TCF7L2: variants seen among roughly 807,000 people sequenced by gnomAD.
TCF7L2 encodes the protein transcription factor 7 like 2.
Under a neutral mutation model 77.9 loss-of-function variants are expected in TCF7L2, and 23 were observed. The ratio of observed to expected loss-of-function variants is 0.30; its 90% CI spans 0.21 to 0.42. TCF7L2 has a LOEUF of 0.42. TCF7L2 is among the 10% of genes least tolerant of loss of function. The pLI, the probability that TCF7L2 is intolerant of heterozygous loss-of-function variation, is 1.00. For missense variants in TCF7L2, 654 were observed against 793.1 expected, an observed-to-expected ratio of 0.82 and a Z score of 2.11; for synonymous variants, 413 against 340.2, an observed-to-expected ratio of 1.21 and a Z score of -2.36.
intron 5 of TCF7L2, among the ~76,000 whole-genome samples, chr10:113,100,927 T>A (rs909286146): frequency 6.6e-6 from 1 of 151,970 alleles, no homozygotes; most frequent in Non-Finnish European, 1.5e-5. Flanking sequence ...AATATAAAAT[T>A]AGGCAGGCGT....
intron 5 of TCF7L2, among the ~76,000 whole-genome samples, chr10:113,068,592 C>A (rs1410655027): frequency 1.3e-5 from 2 of 152,146 alleles, no homozygotes; most frequent in African/African-American, 2.4e-5. Context: ...TAAACACGGG[C>A]AGCTGGACAT....
intron 5 of TCF7L2, among the ~76,000 whole-genome samples, chr10:113,109,840 T>C (rs1173697490): frequency 6.6e-6 from 1 of 152,254 alleles, no homozygotes; most frequent in Non-Finnish European, 1.5e-5. Flanking sequence ...TTTTGAAACA[T>C]AATGTGCATA....
chr10:113,097,618 A>G (rs1162110355), intron 5 of TCF7L2, among the ~76,000 whole-genome samples: 1 of 130,438 alleles, frequency 7.7e-6, no homozygotes, highest in Non-Finnish European at 1.6e-5. Flanking sequence ...GCACCACTGC[A>G]GGGTGACAGA....
At chr10:113,053,176 G>T (rs753165836) in intron 5 of TCF7L2, among the ~76,000 whole-genome samples, 1 of 152,160 alleles carries the variant, frequency 6.6e-6, no homozygotes. Context: ...GTGTTTGGAC[G>T]TCTGTGTGGA....
chr10:113,037,956 T>C (rs1355409118), intron 4 of TCF7L2, among the ~76,000 whole-genome samples: 1 of 152,146 alleles, frequency 6.6e-6, no homozygotes, highest in Admixed American at 6.5e-5. Flanking sequence ...CATATAGTTA[T>C]GTGGTAAGTG....
chr10:112,977,315 C>A (rs1454973773), intron 4 of TCF7L2, among the ~76,000 whole-genome samples: 2 of 152,110 alleles, frequency 1.3e-5, no homozygotes, highest in Non-Finnish European at 2.9e-5. Context: ...GGTGAGGCTG[C>A]CCTGTAGGGA....
intron 5 of TCF7L2, among the ~76,000 whole-genome samples, chr10:113,047,152 C>T (rs893962947): frequency 1.3e-5 from 2 of 151,928 alleles, no homozygotes; most frequent in African/African-American, 4.8e-5. Context: ...AATCTTTGTC[C>T]CCTCGCCCCC....
At chr10:113,145,940 CT>C in intron 7 of TCF7L2, 70 bp from the exon 8 acceptor site, 1 of 1,337,016 alleles carries the variant, frequency 7.5e-7, no homozygotes, top group Non-Finnish European at 1.1e-6. Flanking sequence ...GAACTTTTCC[CT>C]TTTCTTCTTT....
chr10:113,158,628 A>G, intron 12 of TCF7L2, 39 bp from the exon 13 acceptor site: 1 of 1,611,334 alleles, frequency 6.2e-7, no homozygotes, highest in Non-Finnish European at 8.5e-7. Context: ...ACAAAACAAA[A>G]ATTTTGAAGG....
chr10:112,970,383 C>A (rs1326412415), intron 4 of TCF7L2, among the ~76,000 whole-genome samples: 2 of 151,650 alleles, frequency 1.3e-5, no homozygotes, highest in South Asian at 4.1e-4. Flanking sequence ...ACTCCTCCAC[C>A]ATGAATCAGT....
At chr10:112,996,791 G>A (rs2043567757) in intron 4 of TCF7L2, among the ~76,000 whole-genome samples, 1 of 152,202 alleles carries the variant, frequency 6.6e-6, no homozygotes, top group Non-Finnish European at 1.5e-5. Context: ...TTCGTTAAAA[G>A]GCTGAGCTGG....
At chr10:113,023,419 G>A (rs1014509554) in intron 4 of TCF7L2, among the ~76,000 whole-genome samples, 1 of 152,160 alleles carries the variant, frequency 6.6e-6, no homozygotes, top group Non-Finnish European at 1.5e-5. Flanking sequence ...CCTTTTCAAG[G>A]GACATGAAGA....
chr10:113,012,938 T>A (rs1316630156), intron 4 of TCF7L2, among the ~76,000 whole-genome samples: 1 of 152,104 alleles, frequency 6.6e-6, no homozygotes, highest in Non-Finnish European at 1.5e-5. Context: ...TCTACGCGTG[T>A]TGCTGAAACT....
intron 4 of TCF7L2, among the ~76,000 whole-genome samples, chr10:112,979,773 A>T (rs1415492879): frequency 6.6e-6 from 1 of 151,984 alleles, no homozygotes; most frequent in Non-Finnish European, 1.5e-5. Flanking sequence ...AATAAAAAAA[A>T]TAAAAAAAAT....
At chr10:113,039,930 T>G (rs1417365563) in intron 4 of TCF7L2, 95 bp from the exon 5 acceptor site, 1 of 1,069,182 alleles carries the variant, frequency 9.4e-7, no homozygotes, top group African/African-American at 1.6e-5. Context: ...TTTTTCAGTT[T>G]CTGACCCATG....
At chr10:113,097,345 G>A (rs1283536787) in intron 5 of TCF7L2, among the ~76,000 whole-genome samples, 1 of 152,134 alleles carries the variant, frequency 6.6e-6, no homozygotes, top group Non-Finnish European at 1.5e-5. Flanking sequence ...CTTTCCTCTT[G>A]CCAGTTGTAG....
At chr10:112,960,260 C>A (rs2034725434) in intron 3 of TCF7L2, among the ~76,000 whole-genome samples, 1 of 151,932 alleles carries the variant, frequency 6.6e-6, no homozygotes, top group African/African-American at 2.4e-5. Context: ...AATTTAGAGC[C>A]CAGTAGTGAT....
intron 5 of TCF7L2, chr10:113,126,504 G>T: frequency 3.1e-6 from 3 of 962,440 alleles, no homozygotes; most frequent in Non-Finnish European, 3.7e-6. Context: ...ATCAGGCTTT[G>T]TTCTTTTGAT....
At chr10:113,068,137 T>C (rs1034382157) in intron 5 of TCF7L2, among the ~76,000 whole-genome samples, 4 of 152,208 alleles carry the variant, frequency 2.6e-5, no homozygotes, top group Non-Finnish European at 5.9e-5. Context: ...GATGCAGTCC[T>C]AGGAGGCCAT....
Sources: gnomAD v4.1 joint callset for allele counts (sites outside exome capture counted in the v4.1 genomes callset) on GRCh38, gnomAD v4.1.1 for gene constraint, MANE v1.5 for transcripts, NCBI Gene and HGNC (gene_info 2026-07-23, HGNC 2026-07-21) for gene names.